CLHC1: variants seen among roughly 807,000 people sequenced by gnomAD.
The protein encoded by CLHC1 is clathrin heavy chain linker domain containing 1, also known as clathrin heavy chain linker domain-containing protein 1.
CLHC1 carries 72 observed loss-of-function variants against 69.5 expected under a neutral mutation model. That is an observed-to-expected ratio of 1.04 (90% confidence interval 0.86 to 1.26). The LOEUF (loss-of-function observed/expected upper bound fraction) is 1.26, where lower values mean the gene tolerates loss of function less well. Among genes scored for constraint, CLHC1 ranks in the 50% most tolerant of loss-of-function variants. The pLI, the probability that CLHC1 is intolerant of heterozygous loss-of-function variation, is 0.00. For missense variants in CLHC1, 790 were observed against 679.3 expected, an observed-to-expected ratio of 1.16 and a Z score of -1.81; for synonymous variants, 223 against 224.3, an observed-to-expected ratio of 0.99 and a Z score of 0.05.
In CLHC1 at chr2:55,183,067, T is replaced by C. The variant is rs140921362; in HGVS notation, c.1007-1323A>G. ...TGCACCAGTTGAGTAAGACCTTTCC[T>C]GTCCCTTATATAACCCCACTGTAAA... On this transcript the variant is annotated intron_variant, in intron 9 of 12. Transcript: ENST00000401408. Among the ~76,000 whole-genome samples the C allele has an allele frequency of 1.6e-3, 238 of 152,310 alleles. 7 individuals are homozygous for C. The East Asian group carries it at 0.043, about 28-fold the overall frequency.
At chr2:55,209,363 C>A in intron 7 of CLHC1, 41 bp downstream of exon 7, 2 of 1,272,570 alleles carry the variant, frequency 1.6e-6, no homozygotes, top group South Asian at 1.3e-5. Context: ...AAAAAAATGT[C>A]TTCCATTATT....
chr2:55,217,722 A>C lies in CLHC1; in HGVS notation c.365+89T>G, dbSNP rs77333914. On this transcript the variant is annotated intron_variant, in intron 4 of 12. Coordinates refer to ENST00000401408, the MANE Select transcript of CLHC1 (RefSeq NM_152385.4). The stretch of plus-strand genomic sequence containing the variant: ...TTAAATAAAATTGAAATTCAATAAG[A>C]CTAAGAACCACCAGCTAGAGTTACA... 1.5e-3 allele frequency: 1,135 copies of C among 750,542 alleles called. 4 individuals are homozygous for C. The highest frequency in any genetic ancestry group is 0.011 in the African/African-American group (607 of 54,752). The allele number at this position is 750,542 out of a possible 1,614,324, so 46.5% of individuals were successfully genotyped here.
intron 5 of CLHC1, 62 bp from the exon 6 acceptor site, chr2:55,209,893 A>G (rs1672819495): frequency 9.5e-7 from 1 of 1,049,368 alleles, no homozygotes; most frequent in East Asian, 2.4e-5. Flanking sequence ...GTGCTCAAAG[A>G]GCAAGTCTTA....
At position 55,206,301 on chromosome 2, in the gene CLHC1, AAGAATTCTTCT is replaced by A. The variant is rs764088492; in HGVS notation, c.964_974del (p.Arg322SerfsTer10). The A allele has an allele frequency of 1.9e-6, 3 of 1,608,954 alleles. No homozygotes were observed. Among genetic ancestry groups the A allele is most frequent in the Non-Finnish European group, 1.7e-6 (2 of 1,175,870 alleles). ...ATGTATTCATTGTACCAATGTTTCG[AAGAATTCTTCT>A]AGGACTGTTTGCTGCATAACAAGCT... On this transcript the variant is annotated frameshift_variant, in exon 9 of 13. Coordinates refer to ENST00000401408, the MANE Select transcript of CLHC1 (RefSeq NM_152385.4). LOFTEE classifies it high-confidence loss of function.
chr2:55,218,318 C>A (rs554182455), intron 3 of CLHC1: 1 of 170,392 alleles, frequency 5.9e-6, no homozygotes, highest in East Asian at 1.6e-4. Flanking sequence ...TTTCCCAGTT[C>A]TGAATCTTTT....
chr2:55,214,454 G>T (rs1673306116), intron 4 of CLHC1: 1 of 152,268 alleles, frequency 6.6e-6, no homozygotes, highest in Admixed American at 6.5e-5. Flanking sequence ...GTTGCGGTGA[G>T]CCAAGATCAT....
intron 9 of CLHC1, among the ~76,000 whole-genome samples, chr2:55,191,403 T>C (rs1670913881): frequency 6.6e-6 from 1 of 152,114 alleles, no homozygotes; most frequent in Non-Finnish European, 1.5e-5. Context: ...GCATGGCTAA[T>C]TTTTGTATTT....
intron 9 of CLHC1, among the ~76,000 whole-genome samples, chr2:55,182,305 A>G (rs1670009531): frequency 6.6e-6 from 1 of 152,142 alleles, no homozygotes; most frequent in Non-Finnish European, 1.5e-5. Flanking sequence ...ACATACCCTA[A>G]CTTTGAAAAT....
intron 11 of CLHC1, among the ~76,000 whole-genome samples, chr2:55,180,061 G>T (rs1296749369): frequency 6.6e-6 from 1 of 152,008 alleles, no homozygotes; most frequent in African/African-American, 2.4e-5. Flanking sequence ...GGCTGAGGCA[G>T]GAGAATGGTG....
chr2:55,212,818 A>G lies in CLHC1; in HGVS notation c.366-12T>C. On this transcript the variant is annotated splice_polypyrimidine_tract_variant and intron_variant, in intron 4 of 12. Coordinates refer to ENST00000401408, the MANE Select transcript of CLHC1 (RefSeq NM_152385.4). ...CGATAATCCTCATTCTGGAAAACAG[A>G]AAGGCTTTCTTATGTCTTTCAACTA... 2.5e-6 allele frequency: 4 copies of G among 1,593,184 alleles called. No individual in the cohort carries two copies. The highest frequency in any genetic ancestry group is 1.3e-5 in the African/African-American group (1 of 74,614).
At position 55,208,611 on chromosome 2, in the gene CLHC1, T is replaced by C. The variant is rs183099837; in HGVS notation, c.899+15A>G. ...AAATATAATTCTGAAAAATTAAAGC[T>C]TTTAAAATATTTGCCTTTCAATGTA... is the stretch of plus-strand genomic sequence containing the variant. On this transcript the variant is annotated intron_variant, in intron 8 of 12. Transcript: ENST00000401408. 60 of 1,525,688 alleles carry C rather than the reference T, an allele frequency of 3.9e-5. No individual in the cohort carries two copies. In the African/African-American group the frequency reaches 6.4e-4, roughly 16 times the overall value. 94.5% of individuals were successfully genotyped at this position (1,525,688 alleles called of 1,614,324 possible).
intron 9 of CLHC1, among the ~76,000 whole-genome samples, chr2:55,187,279 C>CAAATA (rs58159859): frequency 0.15 from 19,625 of 127,196 alleles, 2,223 homozygotes; most frequent in African/African-American, 0.3. Flanking sequence ...AACTCCATCT[C>CAAATA]AAATAAAATA....
intron 9 of CLHC1, among the ~76,000 whole-genome samples, chr2:55,200,225 TAAAAAA>T (rs34374033): frequency 1.9e-5 from 1 of 52,934 alleles, no homozygotes; most frequent in African/African-American, 8.2e-5. Context: ...AAGACTGTCT[TAAAAAA>T]AAAAAAAAAA....
At chr2:55,213,857 G>A (rs985012466) in intron 4 of CLHC1, among the ~76,000 whole-genome samples, 1 of 152,206 alleles carries the variant, frequency 6.6e-6, no homozygotes, top group Non-Finnish European at 1.5e-5. Context: ...TATGACATGG[G>A]CAAGTGGGAA....
At chr2:55,224,465 T>G in intron 2 of CLHC1, 1 of 397,090 alleles carries the variant, frequency 2.5e-6, no homozygotes, top group South Asian at 2.0e-5. Flanking sequence ...GGTCCTTAGC[T>G]GGCGCTGCAG....
At position 55,213,310 on chromosome 2, in the gene CLHC1, T is replaced by C. The variant is rs748258387; in HGVS notation, c.366-504A>G. 2.6e-5 allele frequency among the ~76,000 whole-genome samples: 4 copies of C among 152,244 alleles called. No homozygotes were observed. In the East Asian group the frequency reaches 5.8e-4, roughly 22 times the overall value. ...TTTCCAGCCTTGGGGCTGCAGGCAT[T>C]CTGACTTCATCACTTCAGTCTCTGC... is the stretch of plus-strand genomic sequence containing the variant. On this transcript the variant is annotated intron_variant, in intron 4 of 12. Coordinates refer to ENST00000401408, the MANE Select transcript of CLHC1 (RefSeq NM_152385.4).
intron 9 of CLHC1, among the ~76,000 whole-genome samples, chr2:55,194,940 T>G (rs768975280): frequency 9.9e-5 from 15 of 151,682 alleles, no homozygotes; most frequent in Non-Finnish European, 2.2e-4. Context: ...TTTTGGGGGA[T>G]GGGGTATCAT....
chr2:55,200,400 A>G lies in CLHC1; in HGVS notation c.1006+5870T>C, dbSNP rs146943386. ...AAAAGAGCAGAAGTAGACAAAATAG[A>G]TTTCAAGACAAAAACTATAAAAAGA... On this transcript the variant is annotated intron_variant, in intron 9 of 12. Transcript: ENST00000401408. Among the ~76,000 whole-genome samples the G allele has an allele frequency of 1.2e-4, 18 of 152,234 alleles. No individual in the cohort carries two copies. The East Asian group carries it at 3.5e-3, about 29-fold the overall frequency.
intron 4 of CLHC1, among the ~76,000 whole-genome samples, 193 bp from the exon 5 acceptor site, chr2:55,212,999 T>C (rs1394048061): frequency 6.6e-6 from 1 of 152,226 alleles, no homozygotes; most frequent in Non-Finnish European, 1.5e-5. Flanking sequence ...TCTCATACTA[T>C]GATTCTGAAC....
Sources: gnomAD v4.1 joint callset for allele counts (sites outside exome capture counted in the v4.1 genomes callset) on GRCh38, gnomAD v4.1.1 for gene constraint, MANE v1.5 for transcripts, NCBI Gene and HGNC (gene_info 2026-07-23, HGNC 2026-07-21) for gene names.